KCNIP4: variants seen among roughly 807,000 people sequenced by gnomAD.
The protein encoded by KCNIP4 is Kv channel-interacting protein 4.
KCNIP4 carries 12 observed loss-of-function variants against 34.0 expected under a neutral mutation model. That is an observed-to-expected ratio of 0.35 (90% confidence interval 0.23 to 0.57). KCNIP4 has a LOEUF of 0.57. Ranked by LOEUF, KCNIP4 falls within the 20% of genes least tolerant of loss-of-function variation. The pLI, the probability that KCNIP4 is intolerant of heterozygous loss-of-function variation, is 0.83. For missense variants in KCNIP4, 238 were observed against 311.7 expected (o/e 0.76, Z 1.78); for synonymous variants, 124 against 102.2 (o/e 1.21, Z -1.29).
chr4:21,322,568 T>C (rs17520130), intron 1 of KCNIP4, among the ~76,000 whole-genome samples: 71,755 of 151,898 alleles, frequency 0.47, 17,459 homozygotes, highest in African/African-American at 0.59. Context: ...TGGAAAACAA[T>C]CTAGAGTCCC....
At chr4:21,626,817 T>C (rs2109192454) in intron 1 of KCNIP4, among the ~76,000 whole-genome samples, 1 of 152,276 alleles carries the variant, frequency 6.6e-6, no homozygotes, top group Middle Eastern at 3.4e-3. Flanking sequence ...CTCCACATGA[T>C]TGGCTGCACC....
chr4:21,628,818 A>C (rs1745515058), intron 1 of KCNIP4, among the ~76,000 whole-genome samples: 1 of 152,240 alleles, frequency 6.6e-6, no homozygotes, highest in African/African-American at 2.4e-5. Context: ...TATTGAACTT[A>C]ATACCATAAT....
intron 1 of KCNIP4, among the ~76,000 whole-genome samples, chr4:21,634,299 G>A (rs947065964): frequency 6.7e-6 from 1 of 148,376 alleles, no homozygotes; most frequent in Admixed American, 6.7e-5. Flanking sequence ...TAAAACCCCT[G>A]AATCTCATTC....
intron 3 of KCNIP4, among the ~76,000 whole-genome samples, chr4:20,775,578 A>C (rs1254999463): frequency 6.6e-6 from 1 of 151,066 alleles, no homozygotes; most frequent in Non-Finnish European, 1.5e-5. Context: ...GAGTGGTGGC[A>C]TACACCTTTT....
chr4:21,045,911 C>T lies in KCNIP4; in HGVS notation c.62-163202G>A, dbSNP rs141923243. ...TCTGAGAAATTTGATAAACTCAGAC[C>T]GATCCTGCCTTGTTTTGTGCTATGA... is the stretch of plus-strand genomic sequence containing the variant. On this transcript the variant is annotated intron_variant, in intron 1 of 8. Transcript: ENST00000382152. Among the ~76,000 whole-genome samples, 23 of 152,186 alleles carry T rather than the reference C, an allele frequency of 1.5e-4. No individual in the cohort carries two copies. In the Middle Eastern group the frequency reaches 0.01, roughly 68 times the overall value.
At chr4:20,814,252 C>T (rs1316949714) in intron 3 of KCNIP4, among the ~76,000 whole-genome samples, 1 of 152,140 alleles carries the variant, frequency 6.6e-6, no homozygotes, top group Non-Finnish European at 1.5e-5. Context: ...GTTTGAGAAC[C>T]ACTGATATTT....
At chr4:21,283,687 T>C (rs528175298) in intron 1 of KCNIP4, among the ~76,000 whole-genome samples, 66 of 147,102 alleles carry the variant, frequency 4.5e-4, no homozygotes, top group Admixed American at 1.7e-3. Context: ...CATTAGGAGA[T>C]ATACCTAATG....
chr4:21,121,607 T>C (rs1750163131), intron 1 of KCNIP4, among the ~76,000 whole-genome samples: 1 of 152,264 alleles, frequency 6.6e-6, no homozygotes, highest in Non-Finnish European at 1.5e-5. Context: ...TAATTCCATC[T>C]GTGTGACCTT....
chr4:21,098,920 A>G (rs7653923), intron 1 of KCNIP4, among the ~76,000 whole-genome samples: 20,761 of 152,212 alleles, frequency 0.14, 2,202 homozygotes, highest in African/African-American at 0.3. Context: ...ACAATGAGAT[A>G]CCATTTAACA....
At chr4:21,123,035 C>G (rs532488792) in intron 1 of KCNIP4, among the ~76,000 whole-genome samples, 17 of 150,976 alleles carry the variant, frequency 1.1e-4, no homozygotes, top group East Asian at 5.9e-4. Flanking sequence ...ATGGTGAAAC[C>G]CCATCTCTAC....
intron 3 of KCNIP4, among the ~76,000 whole-genome samples, chr4:20,795,915 G>T (rs905075053): frequency 1.3e-5 from 2 of 152,098 alleles, no homozygotes; most frequent in Non-Finnish European, 2.9e-5. Flanking sequence ...AGAAGAAATT[G>T]TATCAGTCTT....
At chr4:20,905,767 G>A (rs542778630) in intron 1 of KCNIP4, among the ~76,000 whole-genome samples, 30 of 151,570 alleles carry the variant, frequency 2.0e-4, no homozygotes, top group African/African-American at 6.5e-4. Context: ...TGATCCGCCC[G>A]CCTTGGCCTC....
chr4:21,915,132 T>G (rs561409345), intron 1 of KCNIP4, among the ~76,000 whole-genome samples: 1 of 152,300 alleles, frequency 6.6e-6, no homozygotes, highest in East Asian at 1.9e-4. Context: ...GTAAGGACAC[T>G]GCTGTAACTA....
chr4:20,845,859 T>G (rs1720303763), intron 3 of KCNIP4, among the ~76,000 whole-genome samples: 1 of 152,116 alleles, frequency 6.6e-6, no homozygotes, highest in Admixed American at 6.6e-5. Flanking sequence ...CACAGGAGCT[T>G]AGAAAAGGAT....
At chr4:21,750,988 T>C (rs1717114018) in intron 1 of KCNIP4, among the ~76,000 whole-genome samples, 1 of 152,086 alleles carries the variant, frequency 6.6e-6, no homozygotes, top group Non-Finnish European at 1.5e-5. Context: ...TTGTAGGAAG[T>C]AGGGGGTCCT....
intron 1 of KCNIP4, among the ~76,000 whole-genome samples, chr4:21,670,137 G>A (rs1028484810): frequency 3.3e-5 from 5 of 151,876 alleles, no homozygotes; most frequent in African/African-American, 1.2e-4. Context: ...AATTGAAAAA[G>A]GCACATATCT....
chr4:21,897,977 A>G (rs1207113651), intron 1 of KCNIP4, among the ~76,000 whole-genome samples: 1 of 152,114 alleles, frequency 6.6e-6, no homozygotes, highest in Non-Finnish European at 1.5e-5. Context: ...TGCAGTGATT[A>G]TGGGACTTTG....
At chr4:21,674,175 G>A (rs948292616) in intron 1 of KCNIP4, among the ~76,000 whole-genome samples, 5 of 152,184 alleles carry the variant, frequency 3.3e-5, no homozygotes, top group Non-Finnish European at 7.4e-5. Flanking sequence ...TTGAATTTGT[G>A]TCTAGTCTAA....
chr4:21,308,550 C>A (rs1712748081), intron 1 of KCNIP4, among the ~76,000 whole-genome samples: 1 of 152,156 alleles, frequency 6.6e-6, no homozygotes, highest in South Asian at 2.1e-4. Flanking sequence ...AACATTTTCC[C>A]ATGTGTCTCA....
Sources: allele counts gnomAD v4.1 joint callset (sites outside exome capture counted in the v4.1 genomes callset), GRCh38; gene constraint gnomAD v4.1.1; transcripts MANE v1.5; gene names NCBI Gene and HGNC (gene_info 2026-07-23, HGNC 2026-07-21).